The following MICAL3 variants were observed in gnomAD, a reference collection of about 807,000 sequenced individuals.
The protein encoded by MICAL3 is microtubule associated monooxygenase, calponin and LIM domain containing 3.
MICAL3 carries 62 observed loss-of-function variants against 207.4 expected under a neutral mutation model. The observed-to-expected ratio is 0.30, with a 90% CI of 0.24 to 0.37. The LOEUF is 0.37. Ranked by LOEUF, MICAL3 falls within the 10% of genes least tolerant of loss-of-function variation. MICAL3 has a pLI of 1.00. For synonymous variants in MICAL3, 1,077 were observed against 1,069.3 expected, an observed-to-expected ratio of 1.01 and a Z score of -0.14; for missense variants, 2,368 against 2,635.6, an observed-to-expected ratio of 0.90 and a Z score of 2.22.
intron 1 of MICAL3, among the ~76,000 whole-genome samples, chr22:17,953,247 T>C (rs1489403608): frequency 3.3e-5 from 5 of 152,122 alleles, no homozygotes; most frequent in Admixed American, 6.5e-5. Flanking sequence ...CCAGACTCCA[T>C]AGGAAAAATA....
rs1371407207 is a variant in MICAL3 at position 18,011,972 on chromosome 22, C to T, written c.-75+12309G>A. ...ACTTAGAGCAGGGTCTGGTGGCTCACACCTGTAATCCTAGCACTTTGAAAG... is the reference window on the plus strand; with the variant it reads ...ACTTAGAGCAGGGTCTGGTGGCTCATACCTGTAATCCTAGCACTTTGAAAG... On this transcript the variant is annotated intron_variant, in intron 1 of 31. Coordinates refer to ENST00000441493, the MANE Select transcript of MICAL3 (RefSeq NM_015241.3). Among the ~76,000 whole-genome samples, 10 of 151,974 alleles carry T rather than the reference C, an allele frequency of 6.6e-5. No individual in the cohort carries two copies. The East Asian group carries it at 1.9e-3, about 29-fold the overall frequency.
chr22:18,000,744 G>T (rs907714597), intron 1 of MICAL3, among the ~76,000 whole-genome samples: 1 of 152,194 alleles, frequency 6.6e-6, no homozygotes, highest in African/African-American at 2.4e-5. Context: ...CGATCGCCCG[G>T]CCGCGCCCAC....
At chr22:17,924,438 T>C (rs572599549) in intron 1 of MICAL3, among the ~76,000 whole-genome samples, 1 of 152,260 alleles carries the variant, frequency 6.6e-6, no homozygotes, top group East Asian at 1.9e-4. Flanking sequence ...AAATAAATAT[T>C]TGATATAGAT....
At chr22:17,881,969 TCA>T (rs1422740757) in intron 16 of MICAL3, among the ~76,000 whole-genome samples, 2 of 151,642 alleles carry the variant, frequency 1.3e-5, no homozygotes, top group East Asian at 3.9e-4. Context: ...TGAGAAACAA[TCA>T]CACATTCCCA....
rs768684198 is a variant in MICAL3 at position 17,881,349 on chromosome 22, T to C, written c.2241+4529A>G. ...AACAGAGAGAACATCATTCAAACAG[T>C]GGCCATGTGGAAGCTGGTTCTGGGA... On this transcript the variant is annotated intron_variant, in intron 16 of 31. Coordinates refer to ENST00000441493, the MANE Select transcript of MICAL3 (RefSeq NM_015241.3). 3.4e-6 allele frequency: 5 copies of C among 1,490,028 alleles called. No homozygotes were observed. The Admixed American group carries it at 9.4e-5, about 28-fold the overall frequency. 92.3% of individuals were successfully genotyped at this position (1,490,028 alleles called of 1,614,324 possible). A position where few individuals can be genotyped will look rare whatever the true frequency, so the allele number is the denominator to read the frequency against.
rs773278864 is a variant in MICAL3 at position 17,818,298 on chromosome 22, G to A, written c.4363C>T (p.Pro1455Ser). The A allele has an allele frequency of 3.9e-6, 6 of 1,525,042 alleles. No homozygotes were observed. In the African/African-American group the frequency reaches 4.1e-5, roughly 10 times the overall value. 94.5% of individuals were successfully genotyped at this position (1,525,042 alleles called of 1,614,324 possible). ...GGCGGTGGGGGCGGGCTGGAGGGGG[G>A]CGTGAGCATGGCGGAGTCCGAGGTG... ...FNTSDSAMLT[P>S]PSSPPPPPPP... is the part of the protein sequence containing the mutation. The change falls in exon 26 of 32, where the codon CCC becomes TCC. Residue 1455 changes from proline to serine, a missense_variant. Around this residue, in one of 4 missense-constraint regions of MICAL3, gnomAD observed 1,770 missense variants for 1,863.2 expected, o/e 0.95. Coordinates refer to ENST00000441493, the MANE Select transcript of MICAL3 (RefSeq NM_015241.3).
At chr22:17,850,249 G>T (rs1349970455) in intron 19 of MICAL3, among the ~76,000 whole-genome samples, 2 of 152,044 alleles carry the variant, frequency 1.3e-5, no homozygotes, top group African/African-American at 2.4e-5. Context: ...AAATGGGAGG[G>T]GGGCCACCCC....
Position 17,817,378 on chromosome 22 carries a change from G to C in MICAL3, c.5283C>G (p.Pro1761=). Residue 1761 remains proline, a synonymous_variant, in exon 26 of 32, where the codon CCC becomes CCG. Transcript: ENST00000441493. ...KKKKADDKSC[P]STPSSGATVD... Reference sequence around the variant, plus strand: ...CCGTGGCCCCGCTGGAGGGGGTGCTGGGGCAGGACTTGTCGTCGGCCTTCT... The same window carrying C: ...CCGTGGCCCCGCTGGAGGGGGTGCTCGGGCAGGACTTGTCGTCGGCCTTCT... 6.2e-7 allele frequency: 1 copy of C among 1,612,566 alleles called. No individual in the cohort carries two copies. Among genetic ancestry groups the C allele is most frequent in the East Asian group, 2.2e-5 (1 of 44,836 alleles).
chr22:17,972,176 A>C (rs907487434), intron 1 of MICAL3, among the ~76,000 whole-genome samples: 1 of 152,242 alleles, frequency 6.6e-6, no homozygotes, highest in African/African-American at 2.4e-5. Context: ...CTTGGCCCTC[A>C]AATTTTATAA....
Position 17,791,268 on chromosome 22 carries a change from T to C in MICAL3, c.5684A>G (p.Gln1895Arg), listed in dbSNP as rs781181339. ...CTCCTGCACTAGCTTGAACCACTCCTGCATCAGCTTGGGGTCGTCCTTCTT... is the reference window on the plus strand; with the variant it reads ...CTCCTGCACTAGCTTGAACCACTCCCGCATCAGCTTGGGGTCGTCCTTCTT... ...MGKKDDPKLMQEWFKLVQEKN... is the reference protein window; with the variant it reads ...MGKKDDPKLMREWFKLVQEKN... Residue 1895 changes from glutamine (Q) to arginine (R), a missense_variant, in exon 30 of 32, where the codon CAG becomes CGG. Around this residue, in one of 4 missense-constraint regions of MICAL3, gnomAD observed 1,770 missense variants for 1,863.2 expected, o/e 0.95. Transcript: ENST00000441493. 1 of 1,613,834 alleles carries C rather than the reference T, an allele frequency of 6.2e-7. No homozygotes were observed. The highest frequency in any genetic ancestry group is 1.1e-5 in the South Asian group (1 of 91,010).
At chr22:17,895,744 C>T (rs1334602883) in intron 9 of MICAL3, among the ~76,000 whole-genome samples, 3 of 151,832 alleles carry the variant, frequency 2.0e-5, no homozygotes, top group African/African-American at 4.8e-5. Flanking sequence ...AAAATCAACA[C>T]AAAAAAGAAT....
Position 17,892,792 on chromosome 22 carries a change from G to A in MICAL3, c.1546+1016C>T, listed in dbSNP as rs527471741. ...ATCCACCCTGGCATCCCAATGGCAC[G>A]TCAAATTCACAATGTCCAAATGACT... is the stretch of plus-strand genomic sequence containing the variant. On this transcript the variant is annotated intron_variant, in intron 11 of 31. Transcript: ENST00000441493. Among the ~76,000 whole-genome samples the A allele has an allele frequency of 6.6e-5, 10 of 152,290 alleles. No individual in the cohort carries two copies. In the East Asian group the frequency reaches 9.6e-4, roughly 15 times the overall value.
chr22:17,996,903 C>T (rs1922345683), intron 1 of MICAL3, among the ~76,000 whole-genome samples: 1 of 152,172 alleles, frequency 6.6e-6, no homozygotes, highest in Non-Finnish European at 1.5e-5. Context: ...AGTGCCATGC[C>T]TCCAGTTTCA....
At chr22:17,835,872 G>T (rs1923306363) in intron 20 of MICAL3, among the ~76,000 whole-genome samples, 1 of 152,228 alleles carries the variant, frequency 6.6e-6, no homozygotes, top group Admixed American at 6.5e-5. Flanking sequence ...TCCTCACAGG[G>T]CCAAGTGTGG....
intron 19 of MICAL3, chr22:17,860,295 C>T: frequency 1.5e-5 from 15 of 985,408 alleles, no homozygotes; most frequent in Non-Finnish European, 1.8e-5. Flanking sequence ...CAAAGAAACA[C>T]ACCAAGAACT....
intron 16 of MICAL3, chr22:17,875,584 A>G: frequency 7.0e-7 from 1 of 1,427,862 alleles, no homozygotes. Flanking sequence ...GAAAAACAAA[A>G]GTAAAGGAAA....
rs144740772 is a variant in MICAL3, at chr22:17,910,090, A to G, written c.-74-3204T>C. Among the ~76,000 whole-genome samples, 388 of 152,292 alleles carry G rather than the reference A, an allele frequency of 2.5e-3. 3 individuals carry two copies. Among genetic ancestry groups the G allele is most frequent in the Middle Eastern group, 0.01 (3 of 294 alleles). The stretch of plus-strand genomic sequence containing the variant: ...AAGAAAATGACTTTTCTTTGTTTCT[A>G]AACAGTAGCCACTTTCAACTCCTTG... On this transcript the variant is annotated intron_variant, in intron 1 of 31. Coordinates refer to ENST00000441493, the MANE Select transcript of MICAL3 (RefSeq NM_015241.3).
intron 26 of MICAL3, among the ~76,000 whole-genome samples, 193 bp from the exon 27 acceptor site, chr22:17,816,977 C>T (rs949278043): frequency 3.9e-5 from 6 of 152,212 alleles, no homozygotes; most frequent in Admixed American, 6.5e-5. Context: ...GCAGAGCTGA[C>T]GCCAAGCGGG....
intron 22 of MICAL3, among the ~76,000 whole-genome samples, chr22:17,823,545 A>G (rs1473606557): frequency 6.6e-6 from 1 of 152,234 alleles, no homozygotes; most frequent in African/African-American, 2.4e-5. Context: ...TTTTCTGAGC[A>G]CTGACAAGAG....
Sources: allele counts gnomAD v4.1 joint callset (sites outside exome capture counted in the v4.1 genomes callset), GRCh38; gene constraint gnomAD v4.1.1; regional missense constraint gnomAD v4.1.1; transcripts MANE v1.5; gene names NCBI Gene and HGNC (gene_info 2026-07-23, HGNC 2026-07-21).